PDAP1: variants seen among roughly 807,000 people sequenced by gnomAD.
PDAP1 encodes PDGFA associated protein 1.
PDAP1 carries 13 observed loss-of-function variants against 28.0 expected under a neutral mutation model. The observed-to-expected ratio is 0.46, with a 90% CI of 0.30 to 0.74. The LOEUF (loss-of-function observed/expected upper bound fraction) is 0.74, where lower values mean the gene tolerates loss of function less well. PDAP1 is among the 30% of genes least tolerant of loss of function. The pLI is 0.07. For missense variants in PDAP1, 150 were observed against 230.0 expected, an observed-to-expected ratio of 0.65 and a Z score of 2.25; for synonymous variants, 77 against 85.1, an observed-to-expected ratio of 0.91 and a Z score of 0.52.
In PDAP1 at chr7:99,394,768, A is replaced by T; in HGVS notation, c.*1914T>A. On this transcript the variant is annotated 3_prime_UTR_variant, in exon 6 of 6. Coordinates refer to ENST00000350498, the MANE Select transcript of PDAP1 (RefSeq NM_014891.7). Reference sequence around the variant, plus strand: ...TGCTTCAAAATGTGGAGGTAATAAAATGCAACTGTGTAAAAAAAAAAAAAA... The same window carrying T: ...TGCTTCAAAATGTGGAGGTAATAAATTGCAACTGTGTAAAAAAAAAAAAAA... The T allele has an allele frequency of 8.3e-7, 1 of 1,203,016 alleles. No individual in the cohort carries two copies. Among genetic ancestry groups the T allele is most frequent in the Non-Finnish European group, 1.0e-6 (1 of 974,540 alleles). 74.5% of individuals were successfully genotyped at this position (1,203,016 alleles called of 1,614,324 possible).
intron 4 of PDAP1, among the ~76,000 whole-genome samples, chr7:99,399,664 C>A (rs1794827569): frequency 6.6e-6 from 1 of 152,186 alleles, no homozygotes; most frequent in African/African-American, 2.4e-5. Context: ...ACCCCTCAGC[C>A]ATTATCCTAA....
chr7:99,403,870 G>A (rs1380727822), intron 2 of PDAP1, among the ~76,000 whole-genome samples: 1 of 152,086 alleles, frequency 6.6e-6, no homozygotes, highest in Non-Finnish European at 1.5e-5. Flanking sequence ...ATCCTACTCA[G>A]CTCCCACCTG....
intron 1 of PDAP1, among the ~76,000 whole-genome samples, chr7:99,407,740 C>T (rs1188698513): frequency 6.6e-6 from 1 of 152,122 alleles, no homozygotes; most frequent in African/African-American, 2.4e-5. Context: ...AGCTGGGATT[C>T]AAACTGGGGA....
Position 99,395,395 on chromosome 7 carries a change from C to T in PDAP1, c.*1287G>A, listed in dbSNP as rs1794733587. The T allele has an allele frequency of 6.6e-6, 1 of 152,212 alleles. No individual in the cohort carries two copies. The highest frequency in any genetic ancestry group is 1.5e-5 in the Non-Finnish European group (1 of 68,060). 9.4% of individuals were successfully genotyped at this position (152,212 alleles called of 1,614,324 possible). On this transcript the variant is annotated 3_prime_UTR_variant, in exon 6 of 6. Transcript: ENST00000350498. ...TGAACTCCTGACCTCAGATGATCCACCCACCTCACCTCCCAAAGTGCTGGG... is the reference window on the plus strand; with the variant it reads ...TGAACTCCTGACCTCAGATGATCCATCCACCTCACCTCCCAAAGTGCTGGG...
At chr7:99,405,396 G>C (rs907459792) in intron 1 of PDAP1, among the ~76,000 whole-genome samples, 3 of 141,198 alleles carry the variant, frequency 2.1e-5, no homozygotes, top group African/African-American at 8.1e-5. Flanking sequence ...GTCTCGCTCT[G>C]TCACCCAAGC....
chr7:99,400,281 A>G, intron 4 of PDAP1, 22 bp downstream of exon 4: 1 of 1,612,518 alleles, frequency 6.2e-7, no homozygotes, highest in Non-Finnish European at 8.5e-7. Context: ...CCCGTGACAC[A>G]AGGCCCAGCC....
At chr7:99,401,062 C>T (rs1794856781) in intron 3 of PDAP1, among the ~76,000 whole-genome samples, 2 of 152,140 alleles carry the variant, frequency 1.3e-5, no homozygotes, top group African/African-American at 4.8e-5. Context: ...ATCAATTCTC[C>T]TTAAGGGGGC....
Position 99,395,162 on chromosome 7 carries a change from T to C in PDAP1, c.*1520A>G, listed in dbSNP as rs1371440177. On this transcript the variant is annotated 3_prime_UTR_variant, in exon 6 of 6. Transcript: ENST00000350498. ...ACACTCCAGGCTGGTTGTGGAACTTTTGTTTTGAGATGGAGTTTTGCTCGT... is the reference window on the plus strand; with the variant it reads ...ACACTCCAGGCTGGTTGTGGAACTTCTGTTTTGAGATGGAGTTTTGCTCGT... 3 of 152,370 alleles carry C rather than the reference T, an allele frequency of 2.0e-5. No individual in the cohort carries two copies. Among genetic ancestry groups the C allele is most frequent in the Admixed American group, 2.0e-4 (3 of 15,250 alleles). The allele number at this position is 152,370 out of a possible 1,614,324, so 9.4% of individuals were successfully genotyped here.
At position 99,400,297 on chromosome 7, in the gene PDAP1, T is replaced by C. The variant is rs1301159620; in HGVS notation, c.335+6A>G. 1 of 1,613,316 alleles carries C rather than the reference T, an allele frequency of 6.2e-7. No individual in the cohort carries two copies. The highest frequency in any genetic ancestry group is 1.7e-5 in the Admixed American group (1 of 60,004). ...CCGTGACACAAGGCCCAGCCAGTGA[T>C]GTTACCGTTCTCTCCTCGAAAGCTC... On this transcript the variant is annotated splice_donor_region_variant and intron_variant, in intron 4 of 5. Transcript: ENST00000350498.
At chr7:99,396,818 A>G (rs1360023049) in intron 5 of PDAP1, 78 bp from the exon 6 acceptor site, 18 of 1,134,082 alleles carry the variant, frequency 1.6e-5, no homozygotes, top group Non-Finnish European at 2.1e-5. Flanking sequence ...AGAACCCTAG[A>G]ACTTTAGGTC....
At chr7:99,399,891 G>A (rs1794832267) in intron 4 of PDAP1, among the ~76,000 whole-genome samples, 1 of 152,202 alleles carries the variant, frequency 6.6e-6, no homozygotes, top group African/African-American at 2.4e-5. Context: ...GCTGAGCTGC[G>A]CTGGGCTGGA....
At chr7:99,402,591 A>AT (rs1794892204) in intron 3 of PDAP1, among the ~76,000 whole-genome samples, 1 of 150,824 alleles carries the variant, frequency 6.6e-6, no homozygotes, top group African/African-American at 2.4e-5. Flanking sequence ...AAAAAAAAAA[A>AT]AAAAAAAGGG....
intron 4 of PDAP1, 126 bp from the exon 5 acceptor site, chr7:99,398,139 G>A (rs1794800246): frequency 9.9e-7 from 1 of 1,013,950 alleles, no homozygotes; most frequent in Non-Finnish European, 1.5e-6. Flanking sequence ...CTGGCTGTGA[G>A]TCCCTGCCTC....
In PDAP1 at chr7:99,401,668, T is replaced by C. The variant is rs867869651; in HGVS notation, c.214-1244A>G. Among the ~76,000 whole-genome samples the C allele has an allele frequency of 2.6e-5, 4 of 150,946 alleles. No homozygotes were observed. The South Asian group carries it at 6.3e-4, about 24-fold the overall frequency. ...CACTGCTCTTACTCTCAACATCCTA[T>C]CATTCACTCTCCATGAAGAAGCTAA... On this transcript the variant is annotated intron_variant, in intron 3 of 5. Transcript: ENST00000350498.
intron 5 of PDAP1, among the ~76,000 whole-genome samples, chr7:99,397,037 A>T (rs1396118003): frequency 6.6e-6 from 1 of 152,120 alleles, no homozygotes; most frequent in Non-Finnish European, 1.5e-5. Flanking sequence ...TCCCAGCAGA[A>T]CCCTGTAATT....
Position 99,408,574 on chromosome 7 carries a change from G to GCGGCGGCGC in PDAP1, c.-35_-27dup. The GCGGCGGCGC allele has an allele frequency of 7.9e-7, 1 of 1,271,066 alleles. No individual in the cohort carries two copies. Among genetic ancestry groups the GCGGCGGCGC allele is most frequent in the Non-Finnish European group, 9.9e-7 (1 of 1,006,360 alleles). The allele number at this position is 1,271,066 out of a possible 1,614,324, so 78.7% of individuals were successfully genotyped here. A position where few individuals can be genotyped will look rare whatever the true frequency, so the allele number is the denominator to read the frequency against. Reference sequence around the variant, plus strand: ...TGCGGCTCCGGCGGCTGCGGCGGCGGCGGCGGCGCCTCGAACTGACACCGG... The same window carrying GCGGCGGCGC: ...TGCGGCTCCGGCGGCTGCGGCGGCGGCGGCGGCGCCGGCGGCGCCTCGAACTGACACCGG... On this transcript the variant is annotated 5_prime_UTR_variant, in exon 1 of 6. Coordinates refer to ENST00000350498, the MANE Select transcript of PDAP1 (RefSeq NM_014891.7).
intron 1 of PDAP1, 149 bp downstream of exon 1, chr7:99,408,387 T>A (rs1361895665): frequency 1.8e-5 from 11 of 603,690 alleles, no homozygotes; most frequent in Non-Finnish European, 2.7e-5. Flanking sequence ...TCGGGACAAT[T>A]GGGCGTCGAG....
chr7:99,403,577 C>A (rs1794919592), intron 2 of PDAP1, 72 bp from the exon 3 acceptor site: 1 of 960,852 alleles, frequency 1.0e-6, no homozygotes, highest in Admixed American at 1.7e-5. Flanking sequence ...CCCTATCACC[C>A]CCCAGACTGT....
At chr7:99,403,241 T>A in intron 3 of PDAP1, 157 bp downstream of exon 3, 1 of 606,796 alleles carries the variant, frequency 1.6e-6, no homozygotes, top group Non-Finnish European at 2.9e-6. Flanking sequence ...GAAATGACAC[T>A]GTCTGTTTAC....
Sources: gnomAD v4.1 joint callset for allele counts (sites outside exome capture counted in the v4.1 genomes callset) on GRCh38, gnomAD v4.1.1 for gene constraint, MANE v1.5 for transcripts, NCBI Gene and HGNC (gene_info 2026-07-23, HGNC 2026-07-21) for gene names.